The following MINK1 variants were observed in gnomAD, a reference collection of about 807,000 sequenced individuals.
The protein encoded by MINK1 is misshapen like kinase 1.
A neutral mutation model predicts 178.4 loss-of-function variants in MINK1; 46 were observed. The observed-to-expected ratio is 0.26, with a 90% CI of 0.20 to 0.33. The LOEUF (loss-of-function observed/expected upper bound fraction) is 0.33, where lower values mean the gene tolerates loss of function less well. Among genes scored for constraint, MINK1 ranks in the 10% least tolerant of loss-of-function variants. MINK1 has a pLI of 1.00. For synonymous variants in MINK1, 797 were observed against 709.7 expected, an observed-to-expected ratio of 1.12 and a Z score of -1.96; for missense variants, 1,366 against 1,814.9, an observed-to-expected ratio of 0.75 and a Z score of 4.49.
chr17:4,853,953 G>A (rs538718849), intron 1 of MINK1, among the ~76,000 whole-genome samples: 44 of 152,240 alleles, frequency 2.9e-4, no homozygotes, highest in Non-Finnish European at 5.4e-4. Context: ...CTTCACACCC[G>A]AGGCTGGGGC....
chr17:4,840,612 C>T (rs1408871271), intron 1 of MINK1, among the ~76,000 whole-genome samples: 1 of 151,948 alleles, frequency 6.6e-6, no homozygotes, highest in Non-Finnish European at 1.5e-5. Flanking sequence ...GTGAGTCTCA[C>T]GGAAATAAGA....
intron 1 of MINK1, among the ~76,000 whole-genome samples, chr17:4,848,627 T>A (rs1382893097): frequency 6.6e-6 from 1 of 152,230 alleles, no homozygotes; most frequent in Non-Finnish European, 1.5e-5. Flanking sequence ...CCCAAAGTGC[T>A]GGGATTACAG....
At chr17:4,880,300 C>CT (rs1301744231) in intron 2 of MINK1, among the ~76,000 whole-genome samples, 4,936 of 138,538 alleles carry the variant, frequency 0.036, 297 homozygotes, top group African/African-American at 0.12. Flanking sequence ...TTTTTCTTTT[C>CT]TTTTTTTTTT....
rs889440201 is a variant in MINK1, at chr17:4,895,332, C to T, written c.3086-18C>T. 5 of 1,603,140 alleles carry T rather than the reference C, an allele frequency of 3.1e-6. No individual in the cohort carries two copies. The highest frequency in any genetic ancestry group is 4.3e-6 in the Non-Finnish European group (5 of 1,173,414). ...GGCCTGGCTGAGCCTCTGACCTGCC[C>T]AAGGGCTCCTGTTGCAGGGGTCAAC... On this transcript the variant is annotated intron_variant, in intron 25 of 31. Transcript: ENST00000355280. This position sits in a 1 kb window ranked among gnomAD's most constrained non-coding sequence, Gnocchi z 4.3.
At position 4,894,000 on chromosome 17, in the gene MINK1, T is replaced by C; in HGVS notation, c.2577T>C (p.Asp859=). The C allele has an allele frequency of 6.3e-7, 1 of 1,584,842 alleles. No homozygotes were observed. The highest frequency in any genetic ancestry group is 8.6e-7 in the Non-Finnish European group (1 of 1,165,494). The change falls in exon 22 of 32, where the codon GAT becomes GAC. Residue 859 remains aspartate, a synonymous_variant. Transcript: ENST00000355280. The part of the protein sequence containing the change: ...RDTPGGRSDG[D]TDSVSTMVVH... ...TCCTCTCTCACAGCAGCGATGGGGA[T>C]ACAGACAGCGTCAGCACCATGGTGG...
intron 2 of MINK1, 25 bp from the exon 3 acceptor site, chr17:4,880,959 A>G: frequency 6.8e-7 from 1 of 1,468,166 alleles, no homozygotes; most frequent in South Asian, 1.4e-5. Flanking sequence ...CTCTGAGCAT[A>G]GACTCAGATC....
chr17:4,866,658 C>G (rs1042728616), intron 1 of MINK1, among the ~76,000 whole-genome samples: 1 of 151,854 alleles, frequency 6.6e-6, no homozygotes, highest in Non-Finnish European at 1.5e-5. Context: ...GCCTGTAGTC[C>G]CGGCTACTTG....
Position 4,854,673 on chromosome 17 carries a change from C to T in MINK1, c.57+21033C>T, listed in dbSNP as rs1912734206. The T allele has an allele frequency of 1.4e-5, 6 of 443,726 alleles. 1 individual carries two copies. In the East Asian group the frequency reaches 2.1e-4, roughly 15 times the overall value. The allele number at this position is 443,726 out of a possible 1,614,324, so 27.5% of individuals were successfully genotyped here. ...ACATAAATATTTTTCCTGGTTTCTT[C>T]GCCTTCCTTCTACTTCTAGAACTGG... On this transcript the variant is annotated intron_variant, in intron 1 of 31. Transcript: ENST00000355280.
At chr17:4,869,285 TTTA>T (rs1244584343) in intron 1 of MINK1, among the ~76,000 whole-genome samples, 3 of 149,862 alleles carry the variant, frequency 2.0e-5, no homozygotes, top group Non-Finnish European at 3.0e-5. Flanking sequence ...TATTTATTTA[TTTA>T]TTTTTGAGAC....
chr17:4,875,542 G>A (rs1259487123), intron 1 of MINK1: 1 of 451,054 alleles, frequency 2.2e-6, no homozygotes, highest in South Asian at 1.6e-5. Flanking sequence ...GGAGGCTGAG[G>A]TGGGTGGATC....
chr17:4,891,620 T>C lies in MINK1; in HGVS notation c.1905T>C (p.Ala635=), dbSNP rs1968826551. The C allele has an allele frequency of 6.2e-7, 1 of 1,602,734 alleles. No individual in the cohort carries two copies. Among genetic ancestry groups the C allele is most frequent in the African/African-American group, 1.3e-5 (1 of 74,766 alleles). The change falls in exon 16 of 32, where the codon GCT becomes GCC. Residue 635 remains alanine, a synonymous_variant. Coordinates refer to ENST00000355280, the MANE Select transcript of MINK1 (RefSeq NM_153827.5). The part of the protein sequence containing the change: ...APTATPSARG[A]VIRQNSDPTS... Reference sequence around the variant, plus strand: ...CTGCCACGCCCAGTGCCCGAGGAGCTGTCATCCGCCAGAATTCAGACCCCA... The same window carrying C: ...CTGCCACGCCCAGTGCCCGAGGAGCCGTCATCCGCCAGAATTCAGACCCCA...
intron 1 of MINK1, among the ~76,000 whole-genome samples, chr17:4,852,089 C>A (rs1009625587): frequency 4.7e-5 from 7 of 150,296 alleles, no homozygotes; most frequent in Non-Finnish European, 1.0e-4. Context: ...GGTGCTGATT[C>A]ATATGACAAA....
Position 4,896,625 on chromosome 17 carries a change from A to T in MINK1, c.3775+37A>T, listed in dbSNP as rs1455870204. 1 of 1,611,948 alleles carries T rather than the reference A, an allele frequency of 6.2e-7. No individual in the cohort carries two copies. The highest frequency in any genetic ancestry group is 1.7e-5 in the Admixed American group (1 of 59,900). ...GCCGCCCTCCCAGCCACATGCCCCG[A>T]GGTGGCCCCGGGGTGCAGCCTGCTC... On this transcript the variant is annotated intron_variant, in intron 30 of 31. Transcript: ENST00000355280. The surrounding 1 kb of genome is among the most constrained non-coding windows in gnomAD (Gnocchi z 4.6).
rs73973646 is a variant in MINK1 at position 4,894,673 on chromosome 17, C to T, written c.2917+40C>T. 7,523 of 1,493,300 alleles carry T rather than the reference C, an allele frequency of 5.0e-3. 168 individuals carry two copies. In the African/African-American group the frequency reaches 0.064, roughly 13 times the overall value. 92.5% of individuals were successfully genotyped at this position (1,493,300 alleles called of 1,614,324 possible). A position where few individuals can be genotyped will look rare whatever the true frequency, so the allele number is the denominator to read the frequency against. On this transcript the variant is annotated intron_variant, in intron 24 of 31. Transcript: ENST00000355280. The surrounding 1 kb of genome is among the most constrained non-coding windows in gnomAD (Gnocchi z 4.1). ...ACAGACCTGCTGTGAGGCCAGGGTC[C>T]AGGGGCAGCCTGGAGGGGAGCACAG...
Position 4,897,329 on chromosome 17 carries a change from T to TC in MINK1, c.*47dup. 6.4e-7 allele frequency: 1 copy of TC among 1,574,472 alleles called. No individual in the cohort carries two copies. Among genetic ancestry groups the TC allele is most frequent in the Non-Finnish European group, 8.7e-7 (1 of 1,147,044 alleles). On this transcript the variant is annotated 3_prime_UTR_variant, in exon 32 of 32. Transcript: ENST00000355280. The stretch of plus-strand genomic sequence containing the variant: ...GGCTGTCCCACACTGGACCCAGCTC[T>TC]CCCCCTGCAGCCAGGCTTCCCGGGC...
At position 4,892,649 on chromosome 17, in the gene MINK1, C is replaced by G. The variant is rs201871060; in HGVS notation, c.2199-7C>G. 3.4e-4 allele frequency: 545 copies of G among 1,595,908 alleles called. 3 individuals are homozygous for G. Among genetic ancestry groups the G allele is most frequent in the Non-Finnish European group, 1.0e-4 (121 of 1,169,736 alleles). On this transcript the variant is annotated splice_region_variant and splice_polypyrimidine_tract_variant and intron_variant, in intron 18 of 31. Coordinates refer to ENST00000355280, the MANE Select transcript of MINK1 (RefSeq NM_153827.5). The stretch of plus-strand genomic sequence containing the variant: ...CCTCCCTGACCCTGACTCTGCCCCC[C>G]CAACAGTAACCCCGACCTCAGGAGG...
Position 4,840,235 on chromosome 17 carries a change from T to TTGGTGA in MINK1, c.57+6602_57+6607dup, listed in dbSNP as rs532986088. ...ATAGAGTTGAACCAGCAGGTAGAGT[T>TTGGTGA]TGGTGATGGTGAGAATTGGGAGACT... On this transcript the variant is annotated intron_variant, in intron 1 of 31. Transcript: ENST00000355280. Among the ~76,000 whole-genome samples the TTGGTGA allele has an allele frequency of 2.9e-3, 439 of 152,064 alleles. 2 individuals are homozygous for TTGGTGA. The highest frequency in any genetic ancestry group is 0.014 in the Middle Eastern group (4 of 292).
intron 1 of MINK1, among the ~76,000 whole-genome samples, chr17:4,851,514 A>T (rs1911944876): frequency 2.6e-5 from 4 of 151,280 alleles, no homozygotes. Flanking sequence ...TGCGATGGGG[A>T]CTTCTTTGGC....
At chr17:4,869,067 G>A (rs537490087) in intron 1 of MINK1, among the ~76,000 whole-genome samples, 308 of 151,984 alleles carry the variant, frequency 2.0e-3, no homozygotes, top group African/African-American at 6.4e-3. Flanking sequence ...GGGACTACAG[G>A]CGCCAGCCAC....
Sources: gnomAD v4.1 joint callset for allele counts (sites outside exome capture counted in the v4.1 genomes callset) on GRCh38, gnomAD v4.1.1 for gene constraint, Gnocchi (gnomAD v3.1) non-coding constraint, MANE v1.5 for transcripts, NCBI Gene and HGNC (gene_info 2026-07-23, HGNC 2026-07-21) for gene names.